Variants in BABAM2 observed in about 807,000 individuals in gnomAD.
The protein encoded by BABAM2 is BRISC and BRCA1 A complex member 2.
Under a neutral mutation model 54.7 loss-of-function variants are expected in BABAM2, and 31 were observed. The observed-to-expected ratio is 0.57, with a 90% CI of 0.43 to 0.77. BABAM2 has a LOEUF of 0.77. Among genes scored for constraint, BABAM2 ranks in the 30% least tolerant of loss-of-function variants. The pLI is 0.00. For synonymous variants in BABAM2, 167 were observed against 162.9 expected, an observed-to-expected ratio of 1.03 and a Z score of -0.19; for missense variants, 364 against 455.8, an observed-to-expected ratio of 0.80 and a Z score of 1.83.
Position 28,283,426 on chromosome 2 carries a change from C to T in BABAM2, c.935-14912C>T, listed in dbSNP as rs192606521. Among the ~76,000 whole-genome samples the T allele has an allele frequency of 6.2e-4, 95 of 152,312 alleles. 1 individual carries two copies. Among genetic ancestry groups the T allele is most frequent in the African/African-American group, 1.8e-3 (74 of 41,570 alleles). ...TGTAAGTACACTTGTCAAAAGATAG[C>T]CAGAGGAAGTAACTCAAGAGGGTCA... On this transcript the variant is annotated intron_variant, in intron 10 of 11. Coordinates refer to ENST00000379624, the MANE Select transcript of BABAM2 (RefSeq NM_199191.3).
At chr2:28,219,973 G>GT (rs1338713327) in intron 7 of BABAM2, among the ~76,000 whole-genome samples, 2 of 152,196 alleles carry the variant, frequency 1.3e-5, no homozygotes, top group Non-Finnish European at 2.9e-5. Context: ...CAGTGCTGCT[G>GT]TTTCCTGAAT....
chr2:28,202,325 G>A lies in BABAM2; in HGVS notation c.681-34877G>A, dbSNP rs372667433. On this transcript the variant is annotated intron_variant, in intron 7 of 11. Coordinates refer to ENST00000379624, the MANE Select transcript of BABAM2 (RefSeq NM_199191.3). ...TTGAACCCAGCCTCTCTCCCTTCCT[G>A]TCTCTTCCCACATCCCATTGAGTCC... is the stretch of plus-strand genomic sequence containing the variant. Among the ~76,000 whole-genome samples, 274 of 152,148 alleles carry A rather than the reference G, an allele frequency of 1.8e-3. 3 individuals carry two copies. The highest frequency in any genetic ancestry group is 6.3e-3 in the African/African-American group (263 of 41,500).
intron 10 of BABAM2, among the ~76,000 whole-genome samples, chr2:28,252,716 G>A (rs1414203821): frequency 1.3e-5 from 2 of 152,160 alleles, no homozygotes; most frequent in Non-Finnish European, 2.9e-5. Flanking sequence ...AAGGAAGAAG[G>A]TTGTAAATCA....
rs1309326755 is a variant in BABAM2, at chr2:28,304,666, C to G, written c.1088+6175C>G. 1.3e-5 allele frequency among the ~76,000 whole-genome samples: 2 copies of G among 152,068 alleles called. No homozygotes were observed. Among genetic ancestry groups the G allele is most frequent in the Non-Finnish European group, 2.9e-5 (2 of 68,016 alleles). On this transcript the variant is annotated intron_variant, in intron 11 of 11. Coordinates refer to ENST00000379624, the MANE Select transcript of BABAM2 (RefSeq NM_199191.3). This position sits in a 1 kb window ranked among gnomAD's most constrained non-coding sequence, Gnocchi z 4.0. ...ATCTTGGCTCACTGCAACCTCACCT[C>G]CCAGGTTCTAGCAATTCTCCTGCTT...
At chr2:27,967,410 C>T (rs1020365210) in intron 3 of BABAM2, among the ~76,000 whole-genome samples, 3 of 152,200 alleles carry the variant, frequency 2.0e-5, no homozygotes, top group Admixed American at 1.3e-4. Context: ...CCTTCTGCCA[C>T]GATTGTGTGA....
intron 5 of BABAM2, among the ~76,000 whole-genome samples, chr2:28,033,335 A>C (rs1156444827): frequency 6.6e-6 from 1 of 152,024 alleles, no homozygotes; most frequent in African/African-American, 2.4e-5. Context: ...TGTTGCTTAC[A>C]ACAGAATACC....
chr2:28,140,585 A>G (rs1670954636), intron 7 of BABAM2, among the ~76,000 whole-genome samples: 1 of 152,202 alleles, frequency 6.6e-6, no homozygotes, highest in South Asian at 2.1e-4. Flanking sequence ...GATAGAAGTA[A>G]TACTTTTAGC....
intron 11 of BABAM2, among the ~76,000 whole-genome samples, chr2:28,328,552 C>T (rs1279505421): frequency 2.6e-5 from 4 of 152,142 alleles, no homozygotes; most frequent in Non-Finnish European, 5.9e-5. Flanking sequence ...CTTACAATTA[C>T]CCAAAGAAAA....
intron 6 of BABAM2, among the ~76,000 whole-genome samples, chr2:28,078,691 G>A (rs1231567570): frequency 6.6e-6 from 1 of 152,118 alleles, no homozygotes; most frequent in East Asian, 1.9e-4. Flanking sequence ...AGCACACTGA[G>A]GTGTTGATCA....
intron 5 of BABAM2, among the ~76,000 whole-genome samples, chr2:28,037,076 A>C (rs1676719333): frequency 6.6e-6 from 1 of 152,168 alleles, no homozygotes; most frequent in African/African-American, 2.4e-5. Context: ...TAAATTCCTT[A>C]AAATTTTTTC....
At chr2:28,186,050 G>A (rs1676245664) in intron 7 of BABAM2, among the ~76,000 whole-genome samples, 1 of 152,176 alleles carries the variant, frequency 6.6e-6, no homozygotes, top group Non-Finnish European at 1.5e-5. Flanking sequence ...ATGAAGCAGA[G>A]TTGAAGACAT....
At chr2:28,101,200 A>G (rs1028392800) in intron 6 of BABAM2, among the ~76,000 whole-genome samples, 1 of 152,192 alleles carries the variant, frequency 6.6e-6, no homozygotes, top group African/African-American at 2.4e-5. Flanking sequence ...CGATGAAGCT[A>G]TGATTCTCAC....
chr2:28,317,643 CT>C (rs1047894066), intron 11 of BABAM2, among the ~76,000 whole-genome samples: 1 of 152,222 alleles, frequency 6.6e-6, no homozygotes, highest in African/African-American at 2.4e-5. Flanking sequence ...TTTGAAAATG[CT>C]TGACAGCCAA....
chr2:27,907,324 A>T (rs1008935292), intron 2 of BABAM2, among the ~76,000 whole-genome samples: 1 of 152,028 alleles, frequency 6.6e-6, no homozygotes, highest in Non-Finnish European at 1.5e-5. Context: ...ATTGATAACA[A>T]ACCTTGAATC....
intron 6 of BABAM2, among the ~76,000 whole-genome samples, chr2:28,103,270 T>C (rs1338979895): frequency 1.3e-5 from 2 of 151,976 alleles, no homozygotes; most frequent in Non-Finnish European, 2.9e-5. Context: ...TATTGTGAGC[T>C]GAGTTGAGAG....
intron 7 of BABAM2, among the ~76,000 whole-genome samples, chr2:28,160,975 C>T (rs966124490): frequency 6.6e-6 from 1 of 152,098 alleles, no homozygotes; most frequent in South Asian, 2.1e-4. Context: ...GAGACTACCG[C>T]AGAGTTAAAC....
chr2:28,033,559 G>C (rs982271789), intron 5 of BABAM2, among the ~76,000 whole-genome samples: 2 of 152,038 alleles, frequency 1.3e-5, no homozygotes, highest in Admixed American at 1.3e-4. Flanking sequence ...AAAGCCGCCA[G>C]TTCCCCTCTT....
chr2:28,135,534 T>G (rs1234111627), intron 7 of BABAM2, among the ~76,000 whole-genome samples: 2 of 152,128 alleles, frequency 1.3e-5, no homozygotes, highest in Non-Finnish European at 2.9e-5. Flanking sequence ...ATCTCAGCAT[T>G]TCTCCCTGCT....
At chr2:28,165,374 A>G (rs903100797) in intron 7 of BABAM2, among the ~76,000 whole-genome samples, 1 of 152,148 alleles carries the variant, frequency 6.6e-6, no homozygotes, top group Non-Finnish European at 1.5e-5. Flanking sequence ...TGATATCTGA[A>G]TGCAAAAACA....
Sources: gnomAD v4.1 joint callset for allele counts (sites outside exome capture counted in the v4.1 genomes callset) on GRCh38, gnomAD v4.1.1 for gene constraint, Gnocchi (gnomAD v3.1) non-coding constraint, MANE v1.5 for transcripts, NCBI Gene and HGNC (gene_info 2026-07-23, HGNC 2026-07-21) for gene names.